AEN: variants seen among roughly 807,000 people sequenced by gnomAD.
AEN encodes the protein apoptosis enhancing nuclease.
AEN carries 21 observed loss-of-function variants against 17.7 expected under a neutral mutation model. The ratio of observed to expected loss-of-function variants is 1.19; its 90% CI spans 0.84 to 1.71. AEN has a LOEUF of 1.71. AEN is among the 40% of genes most tolerant of loss of function. AEN has a pLI of 0.00. For missense variants in AEN, 462 were observed against 435.9 expected (o/e 1.06, Z -0.53); for synonymous variants, 190 against 173.0 (o/e 1.10, Z -0.77).
intron 2 of AEN, chr15:88,627,051 A>G: frequency 5.8e-6 from 2 of 347,588 alleles, no homozygotes; most frequent in Non-Finnish European, 1.1e-5. Flanking sequence ...GTACGCATTG[A>G]TATAAAATTT....
intron 2 of AEN, chr15:88,626,969 G>GT: frequency 1.7e-6 from 1 of 579,908 alleles, no homozygotes; most frequent in East Asian, 2.9e-5. Flanking sequence ...ACAGGACAAT[G>GT]TAGAAAGGCT....
At position 88,629,388 on chromosome 15, in the gene AEN, A is replaced by G. The variant is rs138301928; in HGVS notation, c.703A>G (p.Lys235Glu). 24 of 1,613,854 alleles carry G rather than the reference A, an allele frequency of 1.5e-5. No homozygotes were observed. Among genetic ancestry groups the G allele is most frequent in the Non-Finnish European group, 3.4e-6 (4 of 1,179,968 alleles). ...GLHTRARVSLKDLALQLLHKK... is the reference protein window; with the variant it reads ...GLHTRARVSLEDLALQLLHKK... ...CCACACCCGGGCCCGGGTCTCTCTA[A>G]AGGACCTGGCCCTGCAGCTGCTGCA... Residue 235 changes from lysine (K) to glutamate (E), a missense_variant, in exon 3 of 4, where the codon AAG (lysine) becomes GAG (glutamate). By Grantham distance (56) the Lys-to-Glu change is moderately conservative (BLOSUM62 1). Transcript: ENST00000332810.
chr15:88,622,198 G>C (rs935366157), intron 1 of AEN, among the ~76,000 whole-genome samples: 1 of 152,236 alleles, frequency 6.6e-6, no homozygotes, highest in African/African-American at 2.4e-5. Context: ...CTTTAGGCCA[G>C]ACCCCCTCCC....
intron 1 of AEN, 92 bp from the exon 2 acceptor site, chr15:88,626,054 C>T (rs977162918): frequency 1.2e-6 from 1 of 850,094 alleles, no homozygotes; most frequent in South Asian, 2.0e-5. Flanking sequence ...TCGGGCATCC[C>T]CACCGTGGTG....
upstream of AEN, among the ~76,000 whole-genome samples, chr15:88,617,955 G>T (rs959942865): frequency 3.9e-5 from 6 of 152,120 alleles, no homozygotes; most frequent in African/African-American, 1.4e-4. Flanking sequence ...CAGCCCCCTT[G>T]AGAACAGGCT....
chr15:88,616,295 T>C, the AEN span, among the ~76,000 whole-genome samples: 1 of 152,256 alleles, frequency 6.6e-6, no homozygotes, highest in East Asian at 1.9e-4. Flanking sequence ...AGTTTCACCG[T>C]GTTGGTCAGG....
chr15:88,619,813 T>A (rs1435624399), upstream of AEN, among the ~76,000 whole-genome samples: 1 of 152,168 alleles, frequency 6.6e-6, no homozygotes, highest in Non-Finnish European at 1.5e-5. Context: ...CGCTGCCTCC[T>A]AAGTAGCATT....
chr15:88,630,686 C>T lies in AEN; in HGVS notation c.*392C>T. ...CTAATGAAAGGGATCATATCATCCT[C>T]TCTGGGGATGGTGGGTGGGGGTGTC... On this transcript the variant is annotated 3_prime_UTR_variant, in exon 4 of 4. Transcript: ENST00000332810. This position sits in a 1 kb window ranked among gnomAD's most constrained non-coding sequence, Gnocchi z 5.1. 1 of 236,552 alleles carries T rather than the reference C, an allele frequency of 4.2e-6. No homozygotes were observed. The highest frequency in any genetic ancestry group is 8.6e-6 in the Non-Finnish European group (1 of 116,338). The allele number at this position is 236,552 out of a possible 1,614,324, so 14.7% of individuals were successfully genotyped here.
rs765320138 is a variant in AEN at position 88,629,265 on chromosome 15, G to A, written c.580G>A (p.Ala194Thr). 26 of 1,614,004 alleles carry A rather than the reference G, an allele frequency of 1.6e-5. No individual in the cohort carries two copies. Among genetic ancestry groups the A allele is most frequent in the African/African-American group, 9.3e-5 (7 of 74,896 alleles). The change falls in exon 3 of 4, where the codon GCG (alanine) becomes ACG (threonine). Residue 194 changes from alanine to threonine, a missense_variant. Coordinates refer to ENST00000332810, the MANE Select transcript of AEN (RefSeq NM_022767.4). The part of the protein sequence containing the change: ...LLKGKVVVGH[A>T]LHNDFQALKY... ...GAAGGGCAAGGTGGTGGTGGGGCAC[G>A]CGCTGCACAACGACTTCCAGGCGCT...
rs1274613044 is a variant in AEN, at chr15:88,630,841, TC to T, written c.*549del. On this transcript the variant is annotated 3_prime_UTR_variant, in exon 4 of 4. Coordinates refer to ENST00000332810, the MANE Select transcript of AEN (RefSeq NM_022767.4). This position sits in a 1 kb window ranked among gnomAD's most constrained non-coding sequence, Gnocchi z 5.1. ...GTCCTGAAGTTAAAGAGGAGTTAAG[TC>T]CTAAAGGAGGCATTTCTTCCCCACC... The T allele has an allele frequency of 6.0e-5, 16 of 268,452 alleles. No individual in the cohort carries two copies. The highest frequency in any genetic ancestry group is 2.3e-5 in the Non-Finnish European group (3 of 129,504). The allele number at this position is 268,452 out of a possible 1,614,324, so 16.6% of individuals were successfully genotyped here.
upstream of AEN, among the ~76,000 whole-genome samples, chr15:88,618,289 T>C (rs1049740976): frequency 1.3e-5 from 2 of 152,238 alleles, no homozygotes; most frequent in Non-Finnish European, 2.9e-5. Context: ...TATCCAAGCA[T>C]AATATATTTT....
chr15:88,619,311 G>T (rs1022398148), upstream of AEN, among the ~76,000 whole-genome samples: 1 of 148,280 alleles, frequency 6.7e-6, no homozygotes, highest in East Asian at 1.9e-4. Flanking sequence ...TACACATGAG[G>T]AGAGGGAAGC....
At chr15:88,621,465 G>T (rs2057786821) in intron 1 of AEN, 83 bp downstream of exon 1, 1 of 152,458 alleles carries the variant, frequency 6.6e-6, no homozygotes, top group Admixed American at 6.5e-5. Context: ...CCCGCGCGTT[G>T]TTTCCGCCCC....
In AEN at chr15:88,626,534, A is replaced by T; in HGVS notation, c.325A>T (p.Lys109Ter). 6.2e-7 allele frequency: 1 copy of T among 1,614,154 alleles called. No homozygotes were observed. The highest frequency in any genetic ancestry group is 8.5e-7 in the Non-Finnish European group (1 of 1,180,038). ...GAAAGCCTCAGGGCCCTTGCCCAGC[A>T]AGTGTGTGGCTATCGACTGTGAGAT... ...PGKASGPLPSKCVAIDCEMVG... is the reference protein window; with the variant it reads ...PGKASGPLPS Residue 109 changes from lysine (K) to a stop codon, truncating the protein, a stop_gained, in exon 2 of 4, where the codon AAG becomes TAG. Transcript: ENST00000332810. LOFTEE classifies it high-confidence loss of function.
At chr15:88,616,503 T>G (rs1484100112), upstream of AEN, among the ~76,000 whole-genome samples, 3 of 152,108 alleles carry the variant, frequency 2.0e-5, no homozygotes, top group Non-Finnish European at 4.4e-5. Flanking sequence ...CTAGCAGAAG[T>G]TGGAGGGTGA....
Position 88,626,573 on chromosome 15 carries a change from C to T in AEN, c.364C>T (p.Pro122Ser), listed in dbSNP as rs143920438. Residue 122 changes from proline (P) to serine (S), a missense_variant, in exon 2 of 4, where the codon CCC becomes TCC. Physicochemically the swap from Pro to Ser is moderately conservative, Grantham distance 74. Transcript: ENST00000332810. ...AIDCEMVGTG[P>S]RGRVSELARC... Reference sequence around the variant, plus strand: ...CGACTGTGAGATGGTGGGCACGGGACCCCGAGGGCGGGTAAGCGAGCTGGC... The same window carrying T: ...CGACTGTGAGATGGTGGGCACGGGATCCCGAGGGCGGGTAAGCGAGCTGGC... 165 of 1,614,050 alleles carry T rather than the reference C, an allele frequency of 1.0e-4. No homozygotes were observed. Among genetic ancestry groups the T allele is most frequent in the Non-Finnish European group, 1.3e-4 (152 of 1,180,060 alleles).
Position 88,630,495 on chromosome 15 carries a change from C to G in AEN, c.*201C>G. 2 of 592,450 alleles carry G rather than the reference C, an allele frequency of 3.4e-6. No homozygotes were observed. The highest frequency in any genetic ancestry group is 3.0e-6 in the Non-Finnish European group (1 of 332,582). 36.7% of individuals were successfully genotyped at this position (592,450 alleles called of 1,614,324 possible). A position where few individuals can be genotyped will look rare whatever the true frequency, so the allele number is the denominator to read the frequency against. The stretch of plus-strand genomic sequence containing the variant: ...CTCTCTCTCTCCAGGGCTGTTGGTT[C>G]TTTCTTCTGACTCCTGTGGTTTTGC... On this transcript the variant is annotated 3_prime_UTR_variant, in exon 4 of 4. Coordinates refer to ENST00000332810, the MANE Select transcript of AEN (RefSeq NM_022767.4). This position sits in a 1 kb window ranked among gnomAD's most constrained non-coding sequence, Gnocchi z 5.1.
chr15:88,607,245 C>A, the AEN span, among the ~76,000 whole-genome samples: 1 of 152,242 alleles, frequency 6.6e-6, no homozygotes, highest in Admixed American at 6.5e-5. Context: ...TTCTCTTCTT[C>A]CTCCCCAGCA....
intron 1 of AEN, among the ~76,000 whole-genome samples, chr15:88,624,286 G>T (rs2057823631): frequency 6.6e-6 from 1 of 152,172 alleles, no homozygotes; most frequent in Admixed American, 6.5e-5. Context: ...CTTCTGGGTG[G>T]TGGCGGAACA....
Sources: gnomAD v4.1 joint callset for allele counts (sites outside exome capture counted in the v4.1 genomes callset) on GRCh38, gnomAD v4.1.1 for gene constraint, Gnocchi (gnomAD v3.1) non-coding constraint, MANE v1.5 for transcripts, NCBI Gene and HGNC (gene_info 2026-07-23, HGNC 2026-07-21) for gene names.